SELENOT: variants seen among roughly 807,000 people sequenced by gnomAD.
SELENOT encodes selenoprotein T, also known as thioredoxin reductase-like selenoprotein T.
SELENOT carries 9 observed loss-of-function variants against 24.3 expected under a neutral mutation model. The ratio of observed to expected loss-of-function variants is 0.37; its 90% CI spans 0.22 to 0.65. The LOEUF (loss-of-function observed/expected upper bound fraction) is 0.65. Among genes scored for constraint, SELENOT ranks in the 30% least tolerant of loss-of-function variants. The pLI is 0.60. For synonymous variants in SELENOT, 81 were observed against 86.0 expected (o/e 0.94, Z 0.32); for missense variants, 166 against 247.6 (o/e 0.67, Z 2.21).
chr3:150,611,534 C>T (rs1726092044), intron 1 of SELENOT: 5 of 1,141,100 alleles, frequency 4.4e-6, no homozygotes, highest in Non-Finnish European at 6.7e-6. Context: ...TCATCACTCC[C>T]TTTTCTCTTT....
intron 2 of SELENOT, 44 bp from the exon 3 acceptor site, chr3:150,622,999 G>A: frequency 1.4e-6 from 2 of 1,468,548 alleles, no homozygotes; most frequent in Non-Finnish European, 1.8e-6. Flanking sequence ...AAAGTAGATT[G>A]GAAATTGTGG....
intron 1 of SELENOT, among the ~76,000 whole-genome samples, chr3:150,614,110 C>G (rs1201369555): frequency 6.6e-6 from 1 of 151,922 alleles, no homozygotes; most frequent in Non-Finnish European, 1.5e-5. Context: ...ATAAACTGGG[C>G]TTATAGACGC....
intron 1 of SELENOT, among the ~76,000 whole-genome samples, chr3:150,606,902 C>CT (rs1466685243): frequency 1.3e-5 from 2 of 152,124 alleles, no homozygotes; most frequent in South Asian, 2.1e-4. Flanking sequence ...CTGAAATTCC[C>CT]TTTTTGTGTT....
chr3:150,626,011 AGGC>A (rs1286965899), intron 4 of SELENOT, among the ~76,000 whole-genome samples: 1 of 151,984 alleles, frequency 6.6e-6, no homozygotes, highest in Non-Finnish European at 1.5e-5. Flanking sequence ...CTGGGACTAC[AGGC>A]GCCTGCCACC....
At chr3:150,619,942 A>G (rs1462009228) in intron 1 of SELENOT, among the ~76,000 whole-genome samples, 3 of 152,252 alleles carry the variant, frequency 2.0e-5, no homozygotes, top group East Asian at 3.8e-4. Flanking sequence ...AAACTTGTCT[A>G]AAAGTATGAT....
intron 1 of SELENOT, among the ~76,000 whole-genome samples, chr3:150,620,596 G>A (rs1006347472): frequency 6.6e-6 from 1 of 152,072 alleles, no homozygotes; most frequent in Non-Finnish European, 1.5e-5. Context: ...GCATAACTTC[G>A]GAAAAGTCAC....
chr3:150,619,528 T>C (rs1726294449), intron 1 of SELENOT, among the ~76,000 whole-genome samples: 1 of 151,538 alleles, frequency 6.6e-6, no homozygotes. Context: ...AGAGTGAGAC[T>C]GTCTCAAAAA....
chr3:150,628,794 A>T lies in SELENOT; in HGVS notation c.*1165A>T, dbSNP rs1726496023. 1 of 152,230 alleles carries T rather than the reference A, an allele frequency of 6.6e-6. No individual in the cohort carries two copies. The highest frequency in any genetic ancestry group is 1.5e-5 in the Non-Finnish European group (1 of 68,034). The allele number at this position is 152,230 out of a possible 1,614,324, so 9.4% of individuals were successfully genotyped here. ...AGAACCAGAATGTAGAAGAGTAGTCATGTAACAGCAGTAATAACATACTTC... is the reference window on the plus strand; with the variant it reads ...AGAACCAGAATGTAGAAGAGTAGTCTTGTAACAGCAGTAATAACATACTTC... On this transcript the variant is annotated 3_prime_UTR_variant, in exon 6 of 6. Transcript: ENST00000471696.
At chr3:150,626,659 C>T (rs901962208) in intron 4 of SELENOT, among the ~76,000 whole-genome samples, 2 of 152,176 alleles carry the variant, frequency 1.3e-5, no homozygotes, top group African/African-American at 4.8e-5. Context: ...AGGTTTTCTA[C>T]TCTCATGAAT....
intron 1 of SELENOT, among the ~76,000 whole-genome samples, chr3:150,621,046 G>A (rs997654780): frequency 2.6e-5 from 4 of 152,050 alleles, no homozygotes; most frequent in South Asian, 4.2e-4. Context: ...ACTCAGAAAA[G>A]CCCAGCATGT....
At chr3:150,616,274 C>T (rs1726214660) in intron 1 of SELENOT, among the ~76,000 whole-genome samples, 1 of 139,710 alleles carries the variant, frequency 7.2e-6, no homozygotes, top group Non-Finnish European at 1.5e-5. Context: ...CATTACCATT[C>T]AGGACATAGG....
chr3:150,605,175 T>A (rs1361190588), intron 1 of SELENOT, among the ~76,000 whole-genome samples: 1 of 152,208 alleles, frequency 6.6e-6, no homozygotes, highest in Non-Finnish European at 1.5e-5. Flanking sequence ...GTGGTAATCA[T>A]CTTACTAACC....
chr3:150,611,450 G>A (rs773859500), intron 1 of SELENOT: 26 of 1,239,172 alleles, frequency 2.1e-5, no homozygotes, highest in Admixed American at 1.7e-4. Flanking sequence ...TATCTCCTAA[G>A]TGTATTTACT....
At chr3:150,617,554 G>C (rs1019267272) in intron 1 of SELENOT, among the ~76,000 whole-genome samples, 1 of 152,120 alleles carries the variant, frequency 6.6e-6, no homozygotes, top group Non-Finnish European at 1.5e-5. Context: ...CCTGTTGGTT[G>C]TAGATTGATT....
intron 1 of SELENOT, among the ~76,000 whole-genome samples, chr3:150,610,882 G>A (rs1726069517): frequency 6.6e-6 from 1 of 152,082 alleles, no homozygotes; most frequent in Admixed American, 6.5e-5. Flanking sequence ...TCATTGTACA[G>A]GTGTGGATAC....
intron 1 of SELENOT, among the ~76,000 whole-genome samples, chr3:150,613,006 A>T (rs976115315): frequency 1.3e-5 from 2 of 152,190 alleles, no homozygotes; most frequent in African/African-American, 4.8e-5. Context: ...CACTATTCAC[A>T]TTTTTACTGT....
Position 150,603,465 on chromosome 3 carries a change from T to C in SELENOT, c.103T>C (p.Tyr35His), listed in dbSNP as rs754593613. The C allele has an allele frequency of 9.1e-5, 146 of 1,611,356 alleles. 1 individual carries two copies. The highest frequency in any genetic ancestry group is 1.2e-4 in the Non-Finnish European group (145 of 1,178,272). Residue 35 changes from tyrosine to histidine, a missense_variant, in exon 1 of 6, where the codon TAC becomes CAC. Physicochemically the swap from Tyr to His is moderately conservative, Grantham distance 83. This residue lies in a region of SELENOT where 46 missense variants were observed against 49.3 expected (regional missense o/e 0.93). Coordinates refer to ENST00000471696, the MANE Select transcript of SELENOT (RefSeq NM_016275.5). ...GVPSKRLKMQ[Y>H]ATGPLLKFQI... is the part of the protein sequence containing the mutation. ...GCCCAGCAAGAGATTAAAGATGCAG[T>C]ACGCCACGGGGCCGCTGCTCAAGTT...
chr3:150,603,400 C>G lies in SELENOT; in HGVS notation c.38C>G (p.Ala13Gly), dbSNP rs781605334. 6.2e-7 allele frequency: 1 copy of G among 1,613,078 alleles called. No homozygotes were observed. The highest frequency in any genetic ancestry group is 2.2e-5 in the East Asian group (1 of 44,866). Residue 13 changes from alanine to glycine, a missense_variant, in exon 1 of 6, where the codon GCG becomes GGG. Transcript: ENST00000471696. ...CTGCTTCTCCTAGTGGCGGCGTCTG[C>G]GATGGTCCGGAGCGAGGCCTCGGCC... ...LLLLLLVAAS[A>G]MVRSEASANL...
intron 4 of SELENOT, among the ~76,000 whole-genome samples, chr3:150,625,900 C>T (rs1175783804): frequency 1.4e-5 from 2 of 147,380 alleles, no homozygotes; most frequent in African/African-American, 2.5e-5. Flanking sequence ...GACGGAGTCT[C>T]GCTGTGTCGC....
Sources: allele counts gnomAD v4.1 joint callset (sites outside exome capture counted in the v4.1 genomes callset), GRCh38; gene constraint gnomAD v4.1.1; regional missense constraint gnomAD v4.1.1; transcripts MANE v1.5; gene names NCBI Gene and HGNC (gene_info 2026-07-23, HGNC 2026-07-21).